The following EIF4G3 variants were observed in gnomAD, a reference collection of about 807,000 sequenced individuals.
The protein encoded by EIF4G3 is eIF-4-gamma 3.
Under a neutral mutation model 186.4 loss-of-function variants are expected in EIF4G3, and 34 were observed. The ratio of observed to expected loss-of-function variants is 0.18; its 90% confidence interval spans 0.14 to 0.24. The LOEUF (loss-of-function observed/expected upper bound fraction) is 0.24, where lower values mean the gene tolerates loss of function less well. Among genes scored for constraint, EIF4G3 ranks in the 10% least tolerant of loss-of-function variants. EIF4G3 has a pLI of 1.00. For missense variants in EIF4G3, 1,536 were observed against 1,948.5 expected (o/e 0.79, Z 3.99); for synonymous variants, 673 against 679.5 (o/e 0.99, Z 0.15).
rs199785308 is a variant in EIF4G3, at chr1:20,980,396, T to G, written c.431A>C (p.Gln144Pro). 64 of 1,546,464 alleles carry G rather than the reference T, an allele frequency of 4.1e-5. No individual in the cohort carries two copies. Among genetic ancestry groups the G allele is most frequent in the Non-Finnish European group, 4.7e-5 (55 of 1,157,916 alleles). The change falls in exon 10 of 37, where the codon CAA becomes CCA. Residue 144 changes from glutamine (Q) to proline (P), a missense_variant. Gln to Pro is a moderately conservative substitution (Grantham distance 76). Around this residue, in one of 11 missense-constraint regions of EIF4G3, gnomAD observed 194 missense variants for 212.8 expected, o/e 0.91. Coordinates refer to ENST00000602326, the MANE Select transcript of EIF4G3 (RefSeq NM_001391906.1). Reference sequence around the variant, plus strand: ...ATAAAAAGGACCTGGCCCCGGTGGTTGAACTGGATATTGTTGGGGGGGCCC... The same window carrying G: ...ATAAAAAGGACCTGGCCCCGGTGGTGGAACTGGATATTGTTGGGGGGGCCC... ...YVGPPQQYPV[Q>P]PPGPGPFYPG... is the part of the protein sequence containing the mutation.
At position 21,060,798 on chromosome 1, in the gene EIF4G3, A is replaced by C. The variant is rs986617643; in HGVS notation, c.-195-9804T>G. On this transcript the variant is annotated intron_variant, in intron 3 of 36. Transcript: ENST00000602326. ...GTCTCTTAAGAAAAAAAAAAAAAAA[A>C]AAAAAACAAAGCTACTGCAATCATC... Among the ~76,000 whole-genome samples the C allele has an allele frequency of 2.7e-3, 374 of 136,532 alleles. 2 individuals carry two copies. Among genetic ancestry groups the C allele is most frequent in the Admixed American group, 6.9e-3 (94 of 13,676 alleles). 89.6% of individuals were successfully genotyped at this position (136,532 alleles called of 152,430 possible).
intron 9 of EIF4G3, 37 bp from the exon 10 acceptor site, chr1:20,980,485 T>C (rs2077712718): frequency 7.1e-7 from 1 of 1,399,534 alleles, no homozygotes; most frequent in East Asian, 2.7e-5. Flanking sequence ...ATAAATAATA[T>C]GGTATCTGGG....
chr1:20,861,547 G>A (rs2076341570), intron 23 of EIF4G3, among the ~76,000 whole-genome samples: 1 of 152,168 alleles, frequency 6.6e-6, no homozygotes, highest in Non-Finnish European at 1.5e-5. Flanking sequence ...TCATTTTAGA[G>A]ATTAAAAATG....
intron 3 of EIF4G3, among the ~76,000 whole-genome samples, chr1:21,088,232 C>A (rs1433865513): frequency 6.6e-6 from 1 of 152,030 alleles, no homozygotes; most frequent in Non-Finnish European, 1.5e-5. Flanking sequence ...TCGAGACCAA[C>A]CAACATGGTG....
intron 2 of EIF4G3, among the ~76,000 whole-genome samples, chr1:21,165,229 C>T (rs894239822): frequency 7.9e-5 from 12 of 152,172 alleles, no homozygotes; most frequent in Non-Finnish European, 1.8e-4. Flanking sequence ...ACATTGTTGG[C>T]AGGAACATAA....
At chr1:20,958,135 T>C (rs1465087893) in intron 12 of EIF4G3, among the ~76,000 whole-genome samples, 2 of 152,048 alleles carry the variant, frequency 1.3e-5, no homozygotes, top group Non-Finnish European at 2.9e-5. Context: ...TGAACACAGA[T>C]ATAAAAACTG....
At chr1:20,857,616 A>G in intron 24 of EIF4G3, 119 bp from the exon 25 acceptor site, 1 of 868,568 alleles carries the variant, frequency 1.2e-6, no homozygotes. Flanking sequence ...TAAAGCATTG[A>G]TGACAATATC....
intron 7 of EIF4G3, 64 bp downstream of exon 7, chr1:20,997,537 C>G (rs2082547639): frequency 6.9e-7 from 1 of 1,448,432 alleles, no homozygotes; most frequent in Non-Finnish European, 9.5e-7. Context: ...TTCTAAGAGT[C>G]AGCAGCTACT....
At chr1:20,984,122 CA>C (rs1190387126) in intron 7 of EIF4G3, among the ~76,000 whole-genome samples, 1 of 151,510 alleles carries the variant, frequency 6.6e-6, no homozygotes. Flanking sequence ...ATAGCTGAAC[CA>C]AAAAAAGCCA....
Position 20,924,613 on chromosome 1 carries a change from G to A in EIF4G3, c.1663+16878C>T, listed in dbSNP as rs537608090. Among the ~76,000 whole-genome samples, 6 of 152,290 alleles carry A rather than the reference G, an allele frequency of 3.9e-5. No homozygotes were observed. In the East Asian group the frequency reaches 7.7e-4, roughly 20 times the overall value. ...TCTCACTCTGGTCGCCCAGGCTGGA[G>A]TGCATGCAGTGGCACGATGTCGGCT... On this transcript the variant is annotated intron_variant, in intron 14 of 36. Coordinates refer to ENST00000602326, the MANE Select transcript of EIF4G3 (RefSeq NM_001391906.1).
intron 30 of EIF4G3, among the ~76,000 whole-genome samples, chr1:20,838,986 ACTT>A (rs754121737): frequency 6.6e-6 from 1 of 150,976 alleles, no homozygotes; most frequent in African/African-American, 2.4e-5. Flanking sequence ...CTGAAAGAAA[ACTT>A]CTTTTTTGAG....
chr1:21,171,289 T>C (rs1043706314), intron 2 of EIF4G3, among the ~76,000 whole-genome samples: 2 of 152,242 alleles, frequency 1.3e-5, no homozygotes, highest in Non-Finnish European at 2.9e-5. Flanking sequence ...AAAAATAGAT[T>C]GTGTCTCACC....
intron 3 of EIF4G3, among the ~76,000 whole-genome samples, chr1:21,061,741 GTTTT>G (rs1043319207): frequency 7.7e-6 from 1 of 129,052 alleles, no homozygotes; most frequent in East Asian, 2.3e-4. Context: ...TTCTCTGCTT[GTTTT>G]TTTTTTTTTT....
At chr1:20,947,242 G>C (rs1485333058) in intron 13 of EIF4G3, among the ~76,000 whole-genome samples, 1 of 152,048 alleles carries the variant, frequency 6.6e-6, no homozygotes, top group African/African-American at 2.4e-5. Context: ...TACTCAGGAG[G>C]CTGAAGTGAG....
At chr1:20,876,222 CAAAAAAAAA>C (rs34150070) in intron 20 of EIF4G3, among the ~76,000 whole-genome samples, 2 of 13,978 alleles carry the variant, frequency 1.4e-4, no homozygotes, top group Non-Finnish European at 3.1e-4. Context: ...GAGCCTGTCT[CAAAAAAAAA>C]AAAAAAAAAA....
chr1:20,851,480 TTA>T lies in EIF4G3; in HGVS notation c.3552-4_3552-3del, dbSNP rs745588990. On this transcript the variant is annotated splice_region_variant and splice_polypyrimidine_tract_variant and intron_variant, in intron 27 of 36. Coordinates refer to ENST00000602326, the MANE Select transcript of EIF4G3 (RefSeq NM_001391906.1). ...TTCTCCCTGCCCATACTTCCACGAC[TTA>T]AAAGACAAAACAACACTTTTCAAAG... is the stretch of plus-strand genomic sequence containing the variant. 1 of 1,614,108 alleles carries T rather than the reference TTA, an allele frequency of 6.2e-7. No homozygotes were observed. Among genetic ancestry groups the T allele is most frequent in the East Asian group, 2.2e-5 (1 of 44,884 alleles).
intron 19 of EIF4G3, among the ~76,000 whole-genome samples, chr1:20,881,075 A>G (rs972994193): frequency 2.0e-5 from 3 of 152,264 alleles, no homozygotes; most frequent in Admixed American, 1.3e-4. Context: ...TCACACAACC[A>G]GATTTCAAAA....
intron 4 of EIF4G3, among the ~76,000 whole-genome samples, chr1:21,042,378 C>T (rs2093634765): frequency 6.6e-6 from 1 of 152,134 alleles, no homozygotes; most frequent in South Asian, 2.1e-4. Context: ...CTAAGTTAAT[C>T]TCTCTTTACT....
Position 20,865,146 on chromosome 1 carries a change from C to T in EIF4G3, c.2739G>A (p.Lys913=), listed in dbSNP as rs755194110. The T allele has an allele frequency of 1.2e-6, 2 of 1,614,104 alleles. No individual in the cohort carries two copies. Among genetic ancestry groups the T allele is most frequent in the Non-Finnish European group, 1.7e-6 (2 of 1,179,992 alleles). ...KDKADDDVFE[K]KQKELEAASA... The stretch of plus-strand genomic sequence containing the variant: ...TGGCAGCCTCAAGTTCTTTCTGCTT[C>T]TTCTCAAAGACATCATCATCTGCTT... Residue 913 remains lysine, a synonymous_variant, in exon 21 of 37, where the codon AAG becomes AAA. Coordinates refer to ENST00000602326, the MANE Select transcript of EIF4G3 (RefSeq NM_001391906.1).
Sources: gnomAD v4.1 joint callset for allele counts (sites outside exome capture counted in the v4.1 genomes callset) on GRCh38, gnomAD v4.1.1 for gene constraint, gnomAD v4.1.1 regional missense constraint, MANE v1.5 for transcripts, NCBI Gene and HGNC (gene_info 2026-07-23, HGNC 2026-07-21) for gene names.